Variants in NF1 observed in about 807,000 individuals in gnomAD.
The protein encoded by NF1 is neurofibromin 1.
NF1 carries 122 observed loss-of-function variants against 325.7 expected under a neutral mutation model. The observed-to-expected ratio is 0.37, with a 90% CI of 0.32 to 0.44. The LOEUF is 0.44. Among genes scored for constraint, NF1 ranks in the 20% least tolerant of loss-of-function variants. NF1 has a pLI of 1.00. For missense variants in NF1, 2,140 were observed against 3,415.4 expected, an observed-to-expected ratio of 0.63 and a Z score of 9.31; for synonymous variants, 1,091 against 1,186.0, an observed-to-expected ratio of 0.92 and a Z score of 1.65.
chr17:31,304,575 C>T (rs1172346779), intron 36 of NF1: 1 of 1,613,966 alleles, frequency 6.2e-7, no homozygotes, highest in Non-Finnish European at 8.5e-7. Context: ...CTTCCAAATC[C>T]AGAAGGGGAG....
intron 36 of NF1, among the ~76,000 whole-genome samples, chr17:31,266,332 C>G (rs1382901056): frequency 6.6e-6 from 1 of 152,120 alleles, no homozygotes; most frequent in Non-Finnish European, 1.5e-5. Context: ...GGAAACTTGT[C>G]TAATAGGGTC....
intron 4 of NF1, among the ~76,000 whole-genome samples, chr17:31,163,630 T>A (rs1190930363): frequency 6.6e-6 from 1 of 152,172 alleles, no homozygotes; most frequent in African/African-American, 2.4e-5. Flanking sequence ...AATTGCGTAA[T>A]ATTGTGATAT....
At chr17:31,124,591 A>T (rs62068819) in intron 1 of NF1, among the ~76,000 whole-genome samples, 5 of 91,860 alleles carry the variant, frequency 5.4e-5, no homozygotes, top group Admixed American at 1.2e-4. Context: ...TGTATTCTTG[A>T]ATTTTTTTTT....
At chr17:31,363,816 C>T (rs2070453565) in intron 57 of NF1, among the ~76,000 whole-genome samples, 1 of 151,398 alleles carries the variant, frequency 6.6e-6, no homozygotes, top group Non-Finnish European at 1.5e-5. Context: ...TCTTGGCTCA[C>T]TGCAACCTCT....
chr17:31,280,323 G>C (rs1394910437), intron 36 of NF1, among the ~76,000 whole-genome samples: 3 of 151,428 alleles, frequency 2.0e-5, no homozygotes, highest in Non-Finnish European at 4.4e-5. Context: ...GATCAGCCTG[G>C]CCAACATGGT....
At chr17:31,335,226 AGAGC>A (rs1202142154) in intron 40 of NF1, among the ~76,000 whole-genome samples, 195 bp downstream of exon 40, 133 of 44,998 alleles carry the variant, frequency 3.0e-3, no homozygotes, top group African/African-American at 0.012. Context: ...TGCATGTCTC[AGAGC>A]CAGAGAAAAG....
intron 1 of NF1, among the ~76,000 whole-genome samples, chr17:31,152,615 G>T (rs1917026574): frequency 1.4e-5 from 2 of 144,852 alleles, no homozygotes; most frequent in South Asian, 2.2e-4. Context: ...TGTATCTTCT[G>T]GTTAGTTTTC....
intron 36 of NF1, among the ~76,000 whole-genome samples, chr17:31,286,791 C>G (rs781687707): frequency 2.6e-5 from 4 of 152,120 alleles, no homozygotes; most frequent in Non-Finnish European, 4.4e-5. Context: ...AGGGCTTTCC[C>G]AGTGGTTATT....
chr17:31,313,827 G>T (rs1260765894), intron 36 of NF1, among the ~76,000 whole-genome samples: 1 of 151,734 alleles, frequency 6.6e-6, no homozygotes, highest in South Asian at 2.1e-4. Context: ...AAGCTGAACT[G>T]AGTATTTTTT....
rs2068264757 is a variant in NF1, at chr17:31,287,812, T to TGTGGC, written c.4835+22473_4835+22474insGTGGC. On this transcript the variant is annotated intron_variant, in intron 36 of 57. Transcript: ENST00000358273. The stretch of plus-strand genomic sequence containing the variant: ...CCTCGGCTTCCCAGTGTGCTGGGAT[T>TGTGGC]ACAGGCATGAGCCACTGCTCCTGGG... 2.0e-5 allele frequency among the ~76,000 whole-genome samples: 3 copies of TGTGGC among 151,592 alleles called. No individual in the cohort carries two copies. The South Asian group carries it at 6.2e-4, about 32-fold the overall frequency.
intron 13 of NF1, among the ~76,000 whole-genome samples, chr17:31,214,950 A>C (rs1597698928): frequency 6.6e-6 from 1 of 152,134 alleles, no homozygotes; most frequent in Non-Finnish European, 1.5e-5. Context: ...CTACATCTAT[A>C]CTGTTGGTTT....
chr17:31,160,903 A>G (rs1211859447), intron 3 of NF1, among the ~76,000 whole-genome samples: 2 of 152,238 alleles, frequency 1.3e-5, no homozygotes, highest in African/African-American at 2.4e-5. Flanking sequence ...AATGTATATT[A>G]TCTTGCCGTG....
chr17:31,283,285 C>T (rs566837327), intron 36 of NF1, among the ~76,000 whole-genome samples: 6 of 151,972 alleles, frequency 3.9e-5, no homozygotes, highest in South Asian at 4.2e-4. Context: ...GTCGTGGTGG[C>T]GGGCACCTGT....
chr17:31,292,676 A>G (rs1469172252), intron 36 of NF1, among the ~76,000 whole-genome samples: 1 of 152,224 alleles, frequency 6.6e-6, no homozygotes, highest in Non-Finnish European at 1.5e-5. Flanking sequence ...AAGAACTTAG[A>G]GTCTGAGTAG....
At chr17:31,278,786 C>G (rs192732866) in intron 36 of NF1, among the ~76,000 whole-genome samples, 228 of 151,486 alleles carry the variant, frequency 1.5e-3, no homozygotes, top group African/African-American at 5.3e-3. Context: ...GGCTAATTTT[C>G]GTATTTTTAG....
chr17:31,197,800 C>G (rs2066460562), intron 8 of NF1, among the ~76,000 whole-genome samples: 1 of 152,092 alleles, frequency 6.6e-6, no homozygotes, highest in Non-Finnish European at 1.5e-5. Flanking sequence ...CCATCTTTTT[C>G]TTGCCTACTT....
At chr17:31,184,428 T>A (rs569727715) in intron 8 of NF1, among the ~76,000 whole-genome samples, 1 of 151,654 alleles carries the variant, frequency 6.6e-6, no homozygotes, top group Non-Finnish European at 1.5e-5. Flanking sequence ...GGCGGGCGGA[T>A]CACGAGGTCA....
At chr17:31,318,751 G>C in intron 36 of NF1, 2 of 1,614,026 alleles carry the variant, frequency 1.2e-6, no homozygotes, top group Non-Finnish European at 1.7e-6. Flanking sequence ...TTCAGATTTA[G>C]AAGTTAAAGC....
intron 37 of NF1, 109 bp from the exon 38 acceptor site, chr17:31,327,390 T>A (rs1050151246): frequency 9.1e-6 from 7 of 772,496 alleles, no homozygotes; most frequent in Non-Finnish European, 1.6e-5. Context: ...GAACTCTTCC[T>A]TAAATGGCAT....
Sources: allele counts gnomAD v4.1 joint callset (sites outside exome capture counted in the v4.1 genomes callset), GRCh38; gene constraint gnomAD v4.1.1; transcripts MANE v1.5; gene names NCBI Gene and HGNC (gene_info 2026-07-23, HGNC 2026-07-21).